The following ERBB4 variants were observed in gnomAD, a reference collection of about 807,000 sequenced individuals.
ERBB4 encodes receptor tyrosine-protein kinase erbB-4.
A neutral mutation model predicts 158.0 loss-of-function variants in ERBB4; 42 were observed. That is an observed-to-expected ratio of 0.27 (90% CI 0.21 to 0.34). The LOEUF is 0.34. ERBB4 is among the 10% of genes least tolerant of loss of function. ERBB4 has a pLI of 1.00. For missense variants in ERBB4, 1,333 were observed against 1,624.1 expected (o/e 0.82, Z 3.08); for synonymous variants, 583 against 558.7 (o/e 1.04, Z -0.61).
At chr2:211,411,153 C>T (rs1559140043) in intron 25 of ERBB4, among the ~76,000 whole-genome samples, 1 of 152,188 alleles carries the variant, frequency 6.6e-6, no homozygotes, top group Non-Finnish European at 1.5e-5. Flanking sequence ...ATGATCCACC[C>T]ACCTCAGCCT....
chr2:212,163,943 C>T (rs1008659296), intron 1 of ERBB4, among the ~76,000 whole-genome samples: 2 of 151,924 alleles, frequency 1.3e-5, no homozygotes, highest in South Asian at 2.1e-4. Flanking sequence ...CAGGTATATA[C>T]CACCATGCTA....
At chr2:212,452,086 G>A (rs1459604326) in intron 1 of ERBB4, among the ~76,000 whole-genome samples, 1 of 151,620 alleles carries the variant, frequency 6.6e-6, no homozygotes, top group Non-Finnish European at 1.5e-5. Context: ...TAAATGGATG[G>A]GTGGGAAAAA....
intron 12 of ERBB4, among the ~76,000 whole-genome samples, chr2:211,690,516 C>A (rs1176249685): frequency 6.6e-6 from 1 of 152,122 alleles, no homozygotes; most frequent in African/African-American, 2.4e-5. Flanking sequence ...GTCAGGGAAA[C>A]AATATCTATT....
intron 19 of ERBB4, among the ~76,000 whole-genome samples, chr2:211,584,082 C>T (rs1200949708): frequency 6.7e-6 from 1 of 149,150 alleles, no homozygotes; most frequent in Non-Finnish European, 1.5e-5. Flanking sequence ...AAAGCCATGT[C>T]CATTGTGCAT....
In ERBB4 at chr2:211,737,803, G is replaced by A. The variant is rs534522470; in HGVS notation, c.623-12609C>T. Among the ~76,000 whole-genome samples, 90 of 151,946 alleles carry A rather than the reference G, an allele frequency of 5.9e-4. 1 individual carries two copies. Among genetic ancestry groups the A allele is most frequent in the Admixed American group, 1.8e-3 (28 of 15,256 alleles). Reference sequence around the variant, plus strand: ...ATCGATGAATGGTAGTTATTATCTCGCTTTATAGCTTGGTATTTTTAACTA... The same window carrying A: ...ATCGATGAATGGTAGTTATTATCTCACTTTATAGCTTGGTATTTTTAACTA... On this transcript the variant is annotated intron_variant, in intron 5 of 27. Coordinates refer to ENST00000342788, the MANE Select transcript of ERBB4 (RefSeq NM_005235.3).
intron 1 of ERBB4, among the ~76,000 whole-genome samples, chr2:212,245,347 C>T (rs2084268591): frequency 6.6e-6 from 1 of 152,034 alleles, no homozygotes; most frequent in African/African-American, 2.4e-5. Flanking sequence ...TCTACATTTC[C>T]TGTTACTATC....
chr2:212,498,024 C>T (rs2106227776), intron 1 of ERBB4, among the ~76,000 whole-genome samples: 1 of 152,180 alleles, frequency 6.6e-6, no homozygotes, highest in East Asian at 1.9e-4. Flanking sequence ...ACTTTTATTG[C>T]TTCCCTAATA....
intron 3 of ERBB4, among the ~76,000 whole-genome samples, chr2:211,854,994 C>T (rs1233071874): frequency 2.0e-5 from 3 of 152,074 alleles, no homozygotes; most frequent in African/African-American, 7.2e-5. Flanking sequence ...ATATGAGTTC[C>T]CATTCCTCCA....
intron 3 of ERBB4, among the ~76,000 whole-genome samples, chr2:211,840,618 A>T (rs909712836): frequency 2.0e-5 from 3 of 152,130 alleles, no homozygotes; most frequent in Non-Finnish European, 4.4e-5. Flanking sequence ...TTCCTCAAAA[A>T]CAGCACAAGA....
intron 1 of ERBB4, among the ~76,000 whole-genome samples, chr2:212,530,381 T>C (rs1692687221): frequency 6.6e-6 from 1 of 152,238 alleles, no homozygotes; most frequent in Non-Finnish European, 1.5e-5. Flanking sequence ...TATTTTTATT[T>C]GGTTTTCATA....
chr2:211,552,819 A>C (rs538092273), intron 20 of ERBB4, among the ~76,000 whole-genome samples: 1 of 152,320 alleles, frequency 6.6e-6, no homozygotes, highest in African/African-American at 2.4e-5. Flanking sequence ...ATAGTAAGTC[A>C]AACAAATATT....
At chr2:211,717,236 C>T (rs906926666) in intron 7 of ERBB4, among the ~76,000 whole-genome samples, 1 of 152,088 alleles carries the variant, frequency 6.6e-6, no homozygotes, top group African/African-American at 2.4e-5. Flanking sequence ...TCATTTAGCC[C>T]CATCCTGCAA....
intron 1 of ERBB4, among the ~76,000 whole-genome samples, chr2:212,129,037 T>A (rs2080029047): frequency 6.6e-6 from 1 of 152,080 alleles, no homozygotes; most frequent in Non-Finnish European, 1.5e-5. Flanking sequence ...TATGGGTTTA[T>A]GAAATATAGA....
At chr2:212,115,077 A>G (rs2079532475) in intron 2 of ERBB4, among the ~76,000 whole-genome samples, 1 of 152,172 alleles carries the variant, frequency 6.6e-6, no homozygotes, top group South Asian at 2.1e-4. Flanking sequence ...ATTTAATGAT[A>G]ATGATTTTGA....
chr2:211,657,724 G>A (rs763924997), intron 16 of ERBB4, 30 bp downstream of exon 16: 4 of 1,560,836 alleles, frequency 2.6e-6, no homozygotes, highest in South Asian at 1.1e-5. Context: ...AAGGATTTGA[G>A]CGACAAAATG....
Position 212,206,589 on chromosome 2 carries a change from CTTT to C in ERBB4, c.83-81689_83-81687del, listed in dbSNP as rs5838309. Among the ~76,000 whole-genome samples, 269 of 116,404 alleles carry C rather than the reference CTTT, an allele frequency of 2.3e-3. 7 individuals are homozygous for C. The East Asian group carries it at 0.024, about 10-fold the overall frequency. The allele number at this position is 116,404 out of a possible 152,430, so 76.4% of individuals were successfully genotyped here. A position where few individuals can be genotyped will look rare whatever the true frequency, so the allele number is the denominator to read the frequency against. On this transcript the variant is annotated intron_variant, in intron 1 of 27. Coordinates refer to ENST00000342788, the MANE Select transcript of ERBB4 (RefSeq NM_005235.3). Reference sequence around the variant, plus strand: ...ATGAACTGTCTCCGTCTGTTCTGTTCTTTTTTTTTTTTTTTTGAGACGGAGTCT... The same window carrying C: ...ATGAACTGTCTCCGTCTGTTCTGTTCTTTTTTTTTTTTTGAGACGGAGTCT...
intron 1 of ERBB4, among the ~76,000 whole-genome samples, chr2:212,163,247 ATTTCCTTCTTAGG>A (rs1236207000): frequency 6.6e-6 from 1 of 152,048 alleles, no homozygotes; most frequent in East Asian, 1.9e-4. Context: ...CTTTCATGTT[ATTTCCTTCTTAGG>A]TTTCCCATCA....
At chr2:211,760,090 T>C (rs559959007) in intron 4 of ERBB4, among the ~76,000 whole-genome samples, 9 of 152,318 alleles carry the variant, frequency 5.9e-5, no homozygotes, top group Admixed American at 4.6e-4. Flanking sequence ...ATACCACTAA[T>C]TTCACATCAT....
chr2:211,426,426 A>AATCAACTATGAT (rs1454466441), intron 22 of ERBB4, among the ~76,000 whole-genome samples: 3 of 152,230 alleles, frequency 2.0e-5, no homozygotes, highest in Non-Finnish European at 4.4e-5. Flanking sequence ...CGCCTTTTGC[A>AATCAACTATGAT]ATCAACTATG....
Sources: allele counts gnomAD v4.1 joint callset (sites outside exome capture counted in the v4.1 genomes callset), GRCh38; gene constraint gnomAD v4.1.1; transcripts MANE v1.5; gene names NCBI Gene and HGNC (gene_info 2026-07-23, HGNC 2026-07-21).